Variants in LRP1B observed in about 807,000 individuals in gnomAD.
The protein encoded by LRP1B is LDL receptor related protein 1B.
A neutral mutation model predicts 556.6 loss-of-function variants in LRP1B; 217 were observed. The observed-to-expected ratio is 0.39, with a 90% CI of 0.35 to 0.44. The LOEUF (loss-of-function observed/expected upper bound fraction) is 0.44. Among genes scored for constraint, LRP1B ranks in the 20% least tolerant of loss-of-function variants. LRP1B has a pLI of 1.00. For missense variants in LRP1B, 5,053 were observed against 5,620.8 expected (o/e 0.90, Z 3.23); for synonymous variants, 2,047 against 1,865.8 (o/e 1.10, Z -2.50).
chr2:140,762,033 T>C (rs1246031875), intron 35 of LRP1B, among the ~76,000 whole-genome samples: 1 of 152,066 alleles, frequency 6.6e-6, no homozygotes, highest in Non-Finnish European at 1.5e-5. Flanking sequence ...GAGTCTCAGA[T>C]GAAGCTGTGC....
chr2:141,755,171 T>C (rs1020717039), intron 2 of LRP1B, among the ~76,000 whole-genome samples: 6 of 152,128 alleles, frequency 3.9e-5, no homozygotes, highest in African/African-American at 1.4e-4. Context: ...GAGAGTTTAA[T>C]TCATGTAGTT....
chr2:140,264,700 A>ATGTGTG (rs1558756180), intron 86 of LRP1B, among the ~76,000 whole-genome samples: 1 of 94,234 alleles, frequency 1.1e-5, no homozygotes, highest in African/African-American at 3.8e-5. Context: ...AATTGTCTAT[A>ATGTGTG]TATGTGTGTG....
intron 50 of LRP1B, among the ~76,000 whole-genome samples, chr2:140,515,879 G>A (rs7609056): frequency 0.73 from 110,444 of 151,832 alleles, 40,708 homozygotes; most frequent in Middle Eastern, 0.87. Flanking sequence ...CAGAAAATCC[G>A]TTTTTAATCT....
chr2:141,174,003 C>T (rs1472712658), intron 7 of LRP1B, among the ~76,000 whole-genome samples: 1 of 151,794 alleles, frequency 6.6e-6, no homozygotes, highest in African/African-American at 2.4e-5. Context: ...AGATAGAATA[C>T]TTTTCTTTCT....
At chr2:141,386,435 T>C (rs184193740) in intron 3 of LRP1B, among the ~76,000 whole-genome samples, 6 of 152,114 alleles carry the variant, frequency 3.9e-5, no homozygotes, top group Non-Finnish European at 5.9e-5. Flanking sequence ...AATATGCTTT[T>C]TAAAAAAGCA....
intron 1 of LRP1B, among the ~76,000 whole-genome samples, chr2:141,877,531 T>C (rs1698811564): frequency 1.3e-5 from 2 of 151,986 alleles, no homozygotes; most frequent in African/African-American, 4.8e-5. Context: ...CTCAAAGCAA[T>C]GTCAAAACTA....
chr2:141,294,114 C>A (rs552447066), intron 3 of LRP1B, among the ~76,000 whole-genome samples: 1 of 151,750 alleles, frequency 6.6e-6, no homozygotes, highest in East Asian at 1.9e-4. Flanking sequence ...AGGTAAAGAC[C>A]AAGGAAGACA....
intron 49 of LRP1B, among the ~76,000 whole-genome samples, chr2:140,523,950 A>G (rs1472176253): frequency 6.6e-6 from 1 of 151,996 alleles, no homozygotes; most frequent in Non-Finnish European, 1.5e-5. Flanking sequence ...AGCAATTGCA[A>G]CAAAAACAGA....
intron 2 of LRP1B, among the ~76,000 whole-genome samples, chr2:141,789,206 A>G (rs1305048306): frequency 6.6e-6 from 1 of 152,008 alleles, no homozygotes; most frequent in African/African-American, 2.4e-5. Context: ...AGGATTGAAG[A>G]AAACTAGATG....
intron 21 of LRP1B, among the ~76,000 whole-genome samples, chr2:140,913,285 G>A (rs999558780): frequency 1.3e-4 from 20 of 151,952 alleles, no homozygotes; most frequent in African/African-American, 4.3e-4. Context: ...TCCTGACCTT[G>A]TGGAGCAATA....
intron 3 of LRP1B, among the ~76,000 whole-genome samples, chr2:141,267,359 TATGA>T (rs1174062146): frequency 6.6e-6 from 1 of 152,162 alleles, no homozygotes; most frequent in Non-Finnish European, 1.5e-5. Context: ...GATATGTTTA[TATGA>T]ATATTAAAAA....
chr2:140,850,347 ATTC>A lies in LRP1B; in HGVS notation c.4712-21_4712-19del, dbSNP rs1692420774. On this transcript the variant is annotated intron_variant, in intron 28 of 90. Coordinates refer to ENST00000389484, the MANE Select transcript of LRP1B (RefSeq NM_018557.3). The stretch of plus-strand genomic sequence containing the variant: ...TTTCATTTCTAAAAAAGAAATAGAA[ATTC>A]TTTTCTCTTATGAAGTTGGCAAGCT... 1 of 1,477,342 alleles carries A rather than the reference ATTC, an allele frequency of 6.8e-7. No homozygotes were observed. Among genetic ancestry groups the A allele is most frequent in the East Asian group, 2.4e-5 (1 of 42,340 alleles). The allele number at this position is 1,477,342 out of a possible 1,614,324, so 91.5% of individuals were successfully genotyped here.
intron 41 of LRP1B, among the ~76,000 whole-genome samples, chr2:140,692,842 A>G (rs1013626042): frequency 6.7e-6 from 1 of 148,952 alleles, no homozygotes; most frequent in African/African-American, 2.5e-5. Context: ...TTTGTGTATC[A>G]TTTGTGAAAT....
intron 3 of LRP1B, among the ~76,000 whole-genome samples, chr2:141,422,147 A>G (rs1186540636): frequency 6.6e-6 from 1 of 152,250 alleles, no homozygotes; most frequent in Non-Finnish European, 1.5e-5. Flanking sequence ...AAAGATAACA[A>G]GAGTACCTGT....
At chr2:141,656,929 C>T (rs188516358) in intron 2 of LRP1B, among the ~76,000 whole-genome samples, 63 of 151,972 alleles carry the variant, frequency 4.1e-4, no homozygotes, top group East Asian at 1.4e-3. Flanking sequence ...CAATTTAGCA[C>T]GAGTATAAAG....
chr2:140,912,187 A>G (rs1307064718), intron 21 of LRP1B, among the ~76,000 whole-genome samples: 1 of 151,750 alleles, frequency 6.6e-6, no homozygotes, highest in South Asian at 2.1e-4. Context: ...TGATAAGTTT[A>G]ATGAATGTCT....
At chr2:141,329,237 A>G (rs2105487749) in intron 3 of LRP1B, among the ~76,000 whole-genome samples, 1 of 151,876 alleles carries the variant, frequency 6.6e-6, no homozygotes, top group Admixed American at 6.6e-5. Flanking sequence ...AAATTACAAA[A>G]ATTAGCTGGG....
chr2:140,721,357 C>T (rs1687393060), intron 35 of LRP1B, among the ~76,000 whole-genome samples: 1 of 151,998 alleles, frequency 6.6e-6, no homozygotes, highest in South Asian at 2.1e-4. Flanking sequence ...CAGGACTTTA[C>T]ATTTATCCTA....
At chr2:140,634,562 CAATGGAG>C (rs1684005895) in intron 41 of LRP1B, among the ~76,000 whole-genome samples, 1 of 151,920 alleles carries the variant, frequency 6.6e-6, no homozygotes, top group Non-Finnish European at 1.5e-5. Flanking sequence ...AGTAATTTTA[CAATGGAG>C]AAACCTGTCA....
Sources: allele counts gnomAD v4.1 joint callset (sites outside exome capture counted in the v4.1 genomes callset), GRCh38; gene constraint gnomAD v4.1.1; transcripts MANE v1.5; gene names NCBI Gene and HGNC (gene_info 2026-07-23, HGNC 2026-07-21).